Variants in CUBN observed in about 807,000 individuals in gnomAD.
CUBN encodes 460 kDa receptor.
Under a neutral mutation model 405.3 loss-of-function variants are expected in CUBN, and 282 were observed. The ratio of observed to expected loss-of-function variants is 0.70; its 90% CI spans 0.63 to 0.77. The LOEUF is 0.77. Among genes scored for constraint, CUBN ranks in the 30% least tolerant of loss-of-function variants. CUBN has a pLI of 0.00. For missense variants in CUBN, 4,514 were observed against 4,475.2 expected (o/e 1.01, Z -0.25); for synonymous variants, 1,684 against 1,617.0 (o/e 1.04, Z -0.99).
chr10:16,868,664 G>GT (rs1385038655), intron 59 of CUBN, among the ~76,000 whole-genome samples: 1 of 152,016 alleles, frequency 6.6e-6, no homozygotes, highest in Admixed American at 6.6e-5. Flanking sequence ...TTTGATATGG[G>GT]TATTTCTCAC....
chr10:16,993,980 C>T (rs1833662649), intron 28 of CUBN, among the ~76,000 whole-genome samples: 1 of 152,214 alleles, frequency 6.6e-6, no homozygotes, highest in Non-Finnish European at 1.5e-5. Flanking sequence ...TAAAAGTTCA[C>T]AGCAAATGCA....
chr10:17,093,430 T>C (rs1442181459), intron 14 of CUBN, among the ~76,000 whole-genome samples: 6 of 152,150 alleles, frequency 3.9e-5, no homozygotes, highest in Admixed American at 2.0e-4. Context: ...GAGAAAAGTA[T>C]GCTACAGGAG....
At chr10:16,868,226 A>G (rs1464910980) in intron 59 of CUBN, among the ~76,000 whole-genome samples, 1 of 152,184 alleles carries the variant, frequency 6.6e-6, no homozygotes, top group Non-Finnish European at 1.5e-5. Flanking sequence ...TTCTGATACA[A>G]TTTGTCTTGA....
intron 2 of CUBN, 115 bp from the exon 3 acceptor site, chr10:17,128,039 G>T: frequency 2.8e-6 from 2 of 707,400 alleles, no homozygotes; most frequent in Non-Finnish European, 4.7e-6. Flanking sequence ...CTAAGATCTT[G>T]CCTATTATTA....
At chr10:16,890,680 A>G (rs899309787) in intron 54 of CUBN, among the ~76,000 whole-genome samples, 153 bp from the exon 55 acceptor site, 2 of 152,218 alleles carry the variant, frequency 1.3e-5, no homozygotes, top group Non-Finnish European at 2.9e-5. Context: ...TTCTTTTGAG[A>G]ATAATTTTTT....
In CUBN at chr10:17,071,814, T is replaced by C. The variant is rs1440381205; in HGVS notation, c.2446+13A>G. On this transcript the variant is annotated intron_variant, in intron 18 of 66. Coordinates refer to ENST00000377833, the MANE Select transcript of CUBN (RefSeq NM_001081.4). ...AGGCAAATTAGACATTTAAAAATTA[T>C]ATGTTTCCTTACCGACTTGATAAAC... 2.5e-6 allele frequency: 4 copies of C among 1,609,870 alleles called. No individual in the cohort carries two copies. In the South Asian group the frequency reaches 3.3e-5, roughly 13 times the overall value.
intron 34 of CUBN, among the ~76,000 whole-genome samples, chr10:16,948,900 C>T (rs1421965454): frequency 3.3e-5 from 5 of 152,110 alleles, no homozygotes; most frequent in South Asian, 2.1e-4. Flanking sequence ...CAAAAATCTC[C>T]AGCCCAGTCG....
intron 59 of CUBN, among the ~76,000 whole-genome samples, chr10:16,854,996 CCTT>C (rs1337123894): frequency 2.1e-5 from 3 of 141,010 alleles, no homozygotes; most frequent in South Asian, 5.2e-4. Context: ...CCTTTCCTTT[CCTT>C]TTTTCTCTCT....
chr10:17,057,884 AG>A (rs1835428128), intron 22 of CUBN, among the ~76,000 whole-genome samples: 1 of 152,128 alleles, frequency 6.6e-6, no homozygotes, highest in Non-Finnish European at 1.5e-5. Context: ...GCACTTTGGG[AG>A]GCCAATTTGG....
At chr10:16,973,679 C>T (rs1833006383) in intron 31 of CUBN, among the ~76,000 whole-genome samples, 1 of 152,118 alleles carries the variant, frequency 6.6e-6, no homozygotes, top group African/African-American at 2.4e-5. Flanking sequence ...GCCTGTTGTT[C>T]CCTTCTTTGT....
chr10:16,907,780 A>G (rs1588639315), intron 48 of CUBN, 101 bp from the exon 49 acceptor site: 1 of 1,199,656 alleles, frequency 8.3e-7, no homozygotes, highest in Admixed American at 1.8e-5. Context: ...TTTTATGGGA[A>G]CCCTGCCCCA....
At chr10:17,088,075 T>C in intron 15 of CUBN, 89 bp downstream of exon 15, 3 of 939,064 alleles carry the variant, frequency 3.2e-6, no homozygotes, top group Non-Finnish European at 5.2e-6. Flanking sequence ...ACAGCTAATA[T>C]TTTGGGGTCA....
chr10:16,933,157 T>C lies in CUBN; in HGVS notation c.6054A>G (p.Glu2018=). 6.2e-7 allele frequency: 1 copy of C among 1,613,970 alleles called. No homozygotes were observed. The highest frequency in any genetic ancestry group is 8.5e-7 in the Non-Finnish European group (1 of 1,179,978). The change falls in exon 40 of 67, where the codon GAA becomes GAG. Residue 2018 remains glutamate (E), a synonymous_variant. Coordinates refer to ENST00000377833, the MANE Select transcript of CUBN (RefSeq NM_001081.4). ...WLIQAPDSTV[E]LNILSLDIES... Reference sequence around the variant, plus strand: ...CAATGTCCAGGGAAAGAATGTTGAGTTCCACGGTAGAGTCGGGAGCCTGGA... The same window carrying C: ...CAATGTCCAGGGAAAGAATGTTGAGCTCCACGGTAGAGTCGGGAGCCTGGA...
At chr10:16,865,554 T>A (rs1475029713) in intron 59 of CUBN, among the ~76,000 whole-genome samples, 34 of 152,088 alleles carry the variant, frequency 2.2e-4, no homozygotes, top group Admixed American at 2.2e-3. Flanking sequence ...CTTGGAGAAC[T>A]TTTCTGTCTT....
chr10:16,907,692 G>C lies in CUBN; in HGVS notation c.7534-13C>G. Reference sequence around the variant, plus strand: ...TGCCATTGAATACCTGTTGGAAAAAGAGTTTAACCTTCAGGCACACAATCC... The same window carrying C: ...TGCCATTGAATACCTGTTGGAAAAACAGTTTAACCTTCAGGCACACAATCC... On this transcript the variant is annotated splice_polypyrimidine_tract_variant and intron_variant, in intron 48 of 66. Transcript: ENST00000377833. The C allele has an allele frequency of 6.2e-7, 1 of 1,611,640 alleles. No homozygotes were observed. Among genetic ancestry groups the C allele is most frequent in the Non-Finnish European group, 8.5e-7 (1 of 1,179,612 alleles).
At chr10:16,828,074 G>C (rs1467037643) in intron 66 of CUBN, among the ~76,000 whole-genome samples, 3 of 152,176 alleles carry the variant, frequency 2.0e-5, no homozygotes, top group Admixed American at 6.5e-5. Context: ...AGATAAAATA[G>C]AGCCACGTGT....
At position 17,035,090 on chromosome 10, in the gene CUBN, AAT is replaced by A. The variant is rs1491224748; in HGVS notation, c.4017+5941_4017+5942del. 6.1e-3 allele frequency among the ~76,000 whole-genome samples: 731 copies of A among 120,284 alleles called. 10 individuals are homozygous for A. The highest frequency in any genetic ancestry group is 0.046 in the East Asian group (187 of 4,100). The allele number at this position is 120,284 out of a possible 152,430, so 78.9% of individuals were successfully genotyped here. Reference sequence around the variant, plus strand: ...TATAAACCTATGGATAAAAAAAAAAAATAAACAAATGAAAACGCAATTGAAAA... The same window carrying A: ...TATAAACCTATGGATAAAAAAAAAAAAAACAAATGAAAACGCAATTGAAAA... On this transcript the variant is annotated intron_variant, in intron 27 of 66. Transcript: ENST00000377833.
intron 28 of CUBN, among the ~76,000 whole-genome samples, chr10:16,999,255 T>G (rs548173710): frequency 2.0e-5 from 3 of 152,344 alleles, no homozygotes; most frequent in African/African-American, 7.2e-5. Context: ...TTCCCTTTAG[T>G]ACATCATCAA....
At chr10:16,956,485 T>G (rs1205430468) in intron 31 of CUBN, among the ~76,000 whole-genome samples, 2 of 151,996 alleles carry the variant, frequency 1.3e-5, no homozygotes, top group African/African-American at 2.4e-5. Context: ...CTGTAAACAG[T>G]AGACAAAATG....
Sources: gnomAD v4.1 joint callset for allele counts (sites outside exome capture counted in the v4.1 genomes callset) on GRCh38, gnomAD v4.1.1 for gene constraint, MANE v1.5 for transcripts, NCBI Gene and HGNC (gene_info 2026-07-23, HGNC 2026-07-21) for gene names.